Variants in C4orf50 observed in about 807,000 individuals in gnomAD.
C4orf50 encodes chromosome 4 open reading frame 50.
Under a neutral mutation model 77.2 loss-of-function variants are expected in C4orf50, and 80 were observed. The observed-to-expected ratio is 1.04, with a 90% CI of 0.87 to 1.25. The LOEUF (loss-of-function observed/expected upper bound fraction) is 1.25. Ranked by LOEUF, C4orf50 falls within the 50% of genes most tolerant of loss-of-function variation. C4orf50 has a pLI of 0.00. For missense variants in C4orf50, 1,257 were observed against 1,152.9 expected (o/e 1.09, Z -1.31); for synonymous variants, 532 against 465.3 (o/e 1.14, Z -1.84).
chr4:5,975,098 C>A (rs1720180025), intron 30 of C4orf50, among the ~76,000 whole-genome samples: 1 of 126,406 alleles, frequency 7.9e-6, no homozygotes, highest in Non-Finnish European at 1.6e-5. Context: ...CAAAATCGTA[C>A]CATTGCACTC....
chr4:5,943,334 A>T (rs1256148442), intron 7 of C4orf50, among the ~76,000 whole-genome samples: 1 of 152,192 alleles, frequency 6.6e-6, no homozygotes, highest in Non-Finnish European at 1.5e-5. Flanking sequence ...TAAGCCCCTG[A>T]GTTTTCCCAG....
chr4:6,004,167 A>G (rs1577991900), intron 25 of C4orf50, among the ~76,000 whole-genome samples: 5 of 100,550 alleles, frequency 5.0e-5, no homozygotes, highest in Admixed American at 1.0e-4. Context: ...GATGATAGTG[A>G]TGATGGTGAT....
Position 5,987,690 on chromosome 4 carries a change from T to C in C4orf50, c.3699+657A>G, listed in dbSNP as rs148053661. Reference sequence around the variant, plus strand: ...AGGAGGGAGAGAGGGTGGAGCGAGATGGGAGAGAGAAATAGAGATAGAAAA... The same window carrying C: ...AGGAGGGAGAGAGGGTGGAGCGAGACGGGAGAGAGAAATAGAGATAGAAAA... On this transcript the variant is annotated intron_variant, in intron 28 of 33. Coordinates refer to ENST00000531445, the Ensembl canonical transcript of C4orf50. Among the ~76,000 whole-genome samples the C allele has an allele frequency of 6.5e-3, 979 of 150,646 alleles. 8 individuals carry two copies. The highest frequency in any genetic ancestry group is 0.011 in the Non-Finnish European group (713 of 67,622).
At position 5,963,314 on chromosome 4, in the gene C4orf50, C is replaced by A. The variant is rs117960324; in HGVS notation, c.4275+1710G>T. 1.6e-3 allele frequency among the ~76,000 whole-genome samples: 242 copies of A among 152,124 alleles called. 5 individuals carry two copies. In the East Asian group the frequency reaches 0.045, roughly 29 times the overall value. On this transcript the variant is annotated intron_variant, in intron 33 of 33. Coordinates refer to ENST00000531445, the Ensembl canonical transcript of C4orf50. Reference sequence around the variant, plus strand: ...CCAGCCTGCCTAGAATATCTTCTACCTGCTGCTGATAAGGTAGATTAAAAT... The same window carrying A: ...CCAGCCTGCCTAGAATATCTTCTACATGCTGCTGATAAGGTAGATTAAAAT...
At chr4:6,005,646 C>T (rs1722218607) in intron 25 of C4orf50, among the ~76,000 whole-genome samples, 1 of 152,198 alleles carries the variant, frequency 6.6e-6, no homozygotes, top group Middle Eastern at 3.2e-3. Context: ...CTCAGCTTCT[C>T]TATCTGTTCA....
At chr4:5,911,443 G>A (rs1172042611) in intron 7 of C4orf50, among the ~76,000 whole-genome samples, 1 of 152,122 alleles carries the variant, frequency 6.6e-6, no homozygotes, top group Non-Finnish European at 1.5e-5. Flanking sequence ...AGCCAGGGAG[G>A]GAATGCTTCA....
At chr4:5,942,074 G>A (rs1441522415) in intron 7 of C4orf50, among the ~76,000 whole-genome samples, 1 of 152,200 alleles carries the variant, frequency 6.6e-6, no homozygotes, top group Non-Finnish European at 1.5e-5. Flanking sequence ...TGCTCCTGGA[G>A]GAATCTCAGT....
At chr4:6,014,333 C>T (rs1274090948) in intron 23 of C4orf50, among the ~76,000 whole-genome samples, 1 of 152,096 alleles carries the variant, frequency 6.6e-6, no homozygotes, top group Non-Finnish European at 1.5e-5. Flanking sequence ...TATGTTAATA[C>T]TTGTCAAGCC....
chr4:5,955,352 T>C (rs967909000), downstream of C4orf50, among the ~76,000 whole-genome samples: 1 of 149,910 alleles, frequency 6.7e-6, no homozygotes, highest in Non-Finnish European at 1.5e-5. The surrounding 1 kb of genome is among the most constrained non-coding windows in gnomAD (Gnocchi z 5.1). Flanking sequence ...CAGGCGGGGG[T>C]GTGTGCTTGG....
chr4:5,972,652 T>C (rs1560573578), intron 31 of C4orf50, among the ~76,000 whole-genome samples: 1 of 152,186 alleles, frequency 6.6e-6, no homozygotes, highest in Non-Finnish European at 1.5e-5. Context: ...TGGGCAGAGC[T>C]GCAGAGAGAG....
intron 7 of C4orf50, among the ~76,000 whole-genome samples, chr4:5,915,528 T>A (rs931786032): frequency 6.6e-6 from 1 of 152,210 alleles, no homozygotes; most frequent in Non-Finnish European, 1.5e-5. Flanking sequence ...GTTTGCCTTT[T>A]CCTTTCGTCT....
exon 28 of C4orf50, chr4:5,989,026 T>A: frequency 6.5e-7 from 1 of 1,536,072 alleles, no homozygotes; most frequent in African/African-American, 1.4e-5. Context: ...ACTCTTCCCA[T>A]TGCAGTCTTC....
intron 25 of C4orf50, among the ~76,000 whole-genome samples, chr4:5,996,111 G>C (rs575161576): frequency 3.4e-4 from 52 of 152,342 alleles, no homozygotes; most frequent in African/African-American, 1.2e-3. Flanking sequence ...TGGGCACCTT[G>C]TTCCCACCTC....
chr4:6,013,450 T>A (rs1320484515), intron 23 of C4orf50, among the ~76,000 whole-genome samples: 2 of 152,200 alleles, frequency 1.3e-5, no homozygotes, highest in African/African-American at 4.8e-5. Flanking sequence ...ATTCCTAATC[T>A]TAAACGGAGC....
At chr4:5,902,445 G>A (rs1185844929) in intron 7 of C4orf50, 1 of 152,208 alleles carries the variant, frequency 6.6e-6, no homozygotes, top group Non-Finnish European at 1.5e-5. Context: ...GAAGCTGGTT[G>A]TTCCCATGAT....
rs1332471435 is a variant in C4orf50, at chr4:6,008,077, G to A, written c.882C>T (p.Gly294=). Residue 294 remains glycine, a synonymous_variant, in exon 25 of 34, where the codon GGC becomes GGT. Transcript: ENST00000531445. This position sits in a 1 kb window ranked among gnomAD's most constrained non-coding sequence, Gnocchi z 6.0. Reference sequence around the variant, plus strand: ...TTTGCTGGGCGAGGTCCTCCACCTGGCCCTGCAGGCCAATCTCTGACAGCT... The same window carrying A: ...TTTGCTGGGCGAGGTCCTCCACCTGACCCTGCAGGCCAATCTCTGACAGCT... The A allele has an allele frequency of 1.0e-5, 4 of 399,092 alleles. No homozygotes were observed. Among genetic ancestry groups the A allele is most frequent in the Non-Finnish European group, 1.8e-5 (4 of 226,214 alleles). The allele number at this position is 399,092 out of a possible 1,614,324, so 24.7% of individuals were successfully genotyped here.
chr4:5,983,587 T>A (rs1720713481), intron 28 of C4orf50, among the ~76,000 whole-genome samples: 1 of 152,212 alleles, frequency 6.6e-6, no homozygotes. Context: ...CTGGGGAGAA[T>A]ATATACAAGT....
chr4:5,975,672 C>T (rs1720235795), intron 30 of C4orf50, among the ~76,000 whole-genome samples: 1 of 151,992 alleles, frequency 6.6e-6, no homozygotes, highest in Admixed American at 6.6e-5. Context: ...GCCATCACGC[C>T]TGTATGGGAT....
intron 25 of C4orf50, among the ~76,000 whole-genome samples, chr4:5,996,184 C>G (rs1033603066): frequency 6.6e-6 from 1 of 152,228 alleles, no homozygotes; most frequent in Non-Finnish European, 1.5e-5. Context: ...CGTCCGTGCT[C>G]TCCCCGGCCT....
Sources: gnomAD v4.1 joint callset for allele counts (sites outside exome capture counted in the v4.1 genomes callset) on GRCh38, gnomAD v4.1.1 for gene constraint, Gnocchi (gnomAD v3.1) non-coding constraint, MANE v1.5 for transcripts, NCBI Gene and HGNC (gene_info 2026-07-23, HGNC 2026-07-21) for gene names.